UPK1B: variants seen among roughly 807,000 people sequenced by gnomAD.
UPK1B encodes the protein uroplakin 1B.
In UPK1B, 28 loss-of-function variants were observed where a neutral mutation model predicts 34.2. That is an observed-to-expected ratio of 0.82 (90% CI 0.61 to 1.12). UPK1B has a LOEUF of 1.12. UPK1B is among the 50% of genes most tolerant of loss of function. UPK1B has a pLI of 0.00. For missense variants in UPK1B, 325 were observed against 320.9 expected, an observed-to-expected ratio of 1.01 and a Z score of -0.10; for synonymous variants, 81 against 110.4, an observed-to-expected ratio of 0.73 and a Z score of 1.67.
chr3:119,195,130 A>C (rs1263175388), intron 6 of UPK1B, among the ~76,000 whole-genome samples: 2 of 152,200 alleles, frequency 1.3e-5, no homozygotes, highest in African/African-American at 4.8e-5. Context: ...CACAACTAGT[A>C]AATGTCCGTC....
intron 5 of UPK1B, among the ~76,000 whole-genome samples, chr3:119,191,642 A>G (rs1416773573): frequency 8.5e-5 from 13 of 152,144 alleles, no homozygotes; most frequent in Non-Finnish European, 1.3e-4. Flanking sequence ...ACAGTCTGTC[A>G]TCAGCAAACT....
chr3:119,198,512 C>T (rs2078076584), intron 6 of UPK1B, among the ~76,000 whole-genome samples: 1 of 152,214 alleles, frequency 6.6e-6, no homozygotes, highest in Non-Finnish European at 1.5e-5. Context: ...CACTGTGACC[C>T]TTCAAGGTCT....
chr3:119,185,231 AG>A (rs2078012603), intron 1 of UPK1B, among the ~76,000 whole-genome samples: 1 of 152,226 alleles, frequency 6.6e-6, no homozygotes, highest in South Asian at 2.1e-4. Flanking sequence ...ACAGCTACCC[AG>A]GTAAACAGAT....
chr3:119,195,442 G>A (rs1559903593), intron 6 of UPK1B, among the ~76,000 whole-genome samples: 1 of 152,230 alleles, frequency 6.6e-6, no homozygotes, highest in Non-Finnish European at 1.5e-5. Flanking sequence ...CTGACAGGGT[G>A]CCTGGACTAG....
intron 1 of UPK1B, among the ~76,000 whole-genome samples, chr3:119,179,754 G>A (rs1440817471): frequency 1.5e-5 from 2 of 135,116 alleles, no homozygotes; most frequent in African/African-American, 2.8e-5. Context: ...TGATCCACCC[G>A]CCTCGGCCTC....
intron 1 of UPK1B, among the ~76,000 whole-genome samples, chr3:119,185,117 G>A (rs185900779): frequency 1.1e-3 from 164 of 152,330 alleles, no homozygotes; most frequent in African/African-American, 3.9e-3. Context: ...ACACAGAGAC[G>A]CAATGGCCCA....
chr3:119,179,398 T>TATA (rs71156734), intron 1 of UPK1B, among the ~76,000 whole-genome samples: 855 of 58,340 alleles, frequency 0.015, 30 homozygotes, highest in Non-Finnish European at 0.021. Flanking sequence ...TATATATATA[T>TATA]TAATTCTAAG....
In UPK1B at chr3:119,186,701, AT is replaced by A; in HGVS notation, c.-28-12del. On this transcript the variant is annotated splice_polypyrimidine_tract_variant and intron_variant, in intron 1 of 7. Transcript: ENST00000264234. Reference sequence around the variant, plus strand: ...CAGAAACTGTAGCAGTTATTTGGTAATGCTTTCAACAGTGCCTTCAGCTTGT... The same window carrying A: ...CAGAAACTGTAGCAGTTATTTGGTAAGCTTTCAACAGTGCCTTCAGCTTGT... 1 of 1,604,922 alleles carries A rather than the reference AT, an allele frequency of 6.2e-7. No homozygotes were observed. Among genetic ancestry groups the A allele is most frequent in the South Asian group, 1.1e-5 (1 of 89,922 alleles).
chr3:119,201,068 G>A (rs1033635758), intron 7 of UPK1B, among the ~76,000 whole-genome samples: 5 of 151,932 alleles, frequency 3.3e-5, no homozygotes, highest in Admixed American at 1.3e-4. Flanking sequence ...CTGCAAGTGC[G>A]TAGCAGTGAA....
intron 1 of UPK1B, among the ~76,000 whole-genome samples, chr3:119,182,042 G>A (rs2077992246): frequency 6.6e-6 from 1 of 152,350 alleles, no homozygotes. Context: ...GCCCAATGGC[G>A]AGTGTTAACT....
At chr3:119,190,154 T>C (rs986295442) in intron 3 of UPK1B, 91 bp from the exon 4 acceptor site, 11 of 988,668 alleles carry the variant, frequency 1.1e-5, no homozygotes, top group Admixed American at 6.2e-5. Flanking sequence ...CATGATTATA[T>C]GATAAATTTG....
At chr3:119,175,994 C>T (rs900807727) in intron 1 of UPK1B, 2 of 152,190 alleles carry the variant, frequency 1.3e-5, no homozygotes, top group African/African-American at 2.4e-5. Context: ...TTTGTTATTT[C>T]CAGGGACTTA....
chr3:119,179,898 A>C (rs1237823065), intron 1 of UPK1B, among the ~76,000 whole-genome samples: 1 of 129,428 alleles, frequency 7.7e-6, no homozygotes, highest in African/African-American at 3.0e-5. Flanking sequence ...TCTCCCGTTC[A>C]AGCGATTCTC....
In UPK1B at chr3:119,190,204, G is replaced by A. The variant is rs115447561; in HGVS notation, c.271-41G>A. On this transcript the variant is annotated intron_variant, in intron 3 of 7. Transcript: ENST00000264234. The stretch of plus-strand genomic sequence containing the variant: ...TTATTTGGGCAAGTCGCTCTTTGAC[G>A]GGTAAATGTAATTCTTTTATCTCAT... The A allele has an allele frequency of 2.4e-4, 352 of 1,448,560 alleles. No individual in the cohort carries two copies. The African/African-American group carries it at 3.9e-3, about 16-fold the overall frequency. The allele number at this position is 1,448,560 out of a possible 1,614,324, so 89.7% of individuals were successfully genotyped here. A position where few individuals can be genotyped will look rare whatever the true frequency, so the allele number is the denominator to read the frequency against.
chr3:119,179,321 TGAGA>T (rs535882241), intron 1 of UPK1B, among the ~76,000 whole-genome samples: 1 of 108,738 alleles, frequency 9.2e-6, no homozygotes, highest in African/African-American at 3.3e-5. Context: ...AAGACCCTGT[TGAGA>T]GAGAGAGAGG....
chr3:119,183,270 T>A (rs965211785), intron 1 of UPK1B, among the ~76,000 whole-genome samples: 1 of 144,400 alleles, frequency 6.9e-6, no homozygotes, highest in Non-Finnish European at 1.5e-5. Context: ...CCTTTTTTTT[T>A]GTTTTTTTTT....
chr3:119,191,315 CT>C (rs2078043187), intron 5 of UPK1B, among the ~76,000 whole-genome samples: 2 of 152,306 alleles, frequency 1.3e-5, no homozygotes, highest in African/African-American at 4.8e-5. Flanking sequence ...AATATTTTCT[CT>C]ACCCCACAGT....
At chr3:119,194,142 A>G (rs1281496866) in intron 5 of UPK1B, 77 bp from the exon 6 acceptor site, 2 of 1,383,322 alleles carry the variant, frequency 1.4e-6, no homozygotes, top group African/African-American at 2.9e-5. Flanking sequence ...TTCTTTCTCT[A>G]TAAAATTTCA....
At chr3:119,173,700 T>A (rs1000746294) in intron 1 of UPK1B, 62 bp downstream of exon 1, 1 of 152,178 alleles carries the variant, frequency 6.6e-6, no homozygotes, top group Non-Finnish European at 1.5e-5. Context: ...GTTGCTCTCC[T>A]GGGAGGGAAG....
Sources: gnomAD v4.1 joint callset for allele counts (sites outside exome capture counted in the v4.1 genomes callset) on GRCh38, gnomAD v4.1.1 for gene constraint, MANE v1.5 for transcripts, NCBI Gene and HGNC (gene_info 2026-07-23, HGNC 2026-07-21) for gene names.